Variants in TTC29 observed in about 807,000 individuals in gnomAD.
The protein encoded by TTC29 is tetratricopeptide repeat protein 29.
TTC29 carries 49 observed loss-of-function variants against 58.1 expected under a neutral mutation model. The observed-to-expected ratio is 0.84, with a 90% confidence interval of 0.67 to 1.07. TTC29 has a LOEUF of 1.07. Ranked by LOEUF, TTC29 falls within the 50% of genes least tolerant of loss-of-function variation. The pLI is 0.00. For synonymous variants in TTC29, 209 were observed against 196.8 expected (o/e 1.06, Z -0.52); for missense variants, 582 against 555.6 (o/e 1.05, Z -0.48).
chr4:146,896,055 T>A (rs1732748155), intron 6 of TTC29, among the ~76,000 whole-genome samples: 1 of 152,220 alleles, frequency 6.6e-6, no homozygotes, highest in Non-Finnish European at 1.5e-5. Flanking sequence ...CTGCCAAAAT[T>A]ACTAATGTGC....
At chr4:146,716,711 A>G (rs546120233) in intron 11 of TTC29, among the ~76,000 whole-genome samples, 1 of 152,168 alleles carries the variant, frequency 6.6e-6, no homozygotes, top group Non-Finnish European at 1.5e-5. Flanking sequence ...GTAAATATAT[A>G]TATCTGGTCA....
intron 6 of TTC29, among the ~76,000 whole-genome samples, chr4:146,887,302 G>T (rs771258867): frequency 6.6e-6 from 1 of 151,998 alleles, no homozygotes; most frequent in Non-Finnish European, 1.5e-5. Flanking sequence ...ATGCATGCAT[G>T]AAAAAAATAC....
At chr4:146,938,943 T>C (rs1736102676) in intron 3 of TTC29, among the ~76,000 whole-genome samples, 1 of 152,248 alleles carries the variant, frequency 6.6e-6, no homozygotes, top group African/African-American at 2.4e-5. Context: ...ATGATAATTA[T>C]GACAAAATGT....
Position 146,910,573 on chromosome 4 carries a change from C to T in TTC29, c.177-1324G>A, listed in dbSNP as rs146796359. ...GGGACCAGATCATGAAGAGATCTTA[C>T]GGTAAAAACAACAGTGAGAAGTTTG... is the stretch of plus-strand genomic sequence containing the variant. On this transcript the variant is annotated intron_variant, in intron 4 of 12. Coordinates refer to ENST00000325106, the MANE Select transcript of TTC29 (RefSeq NM_031956.4). Among the ~76,000 whole-genome samples, 36 of 152,024 alleles carry T rather than the reference C, an allele frequency of 2.4e-4. 1 individual carries two copies. In the East Asian group the frequency reaches 5.4e-3, roughly 23 times the overall value.
intron 2 of TTC29, among the ~76,000 whole-genome samples, chr4:146,941,881 G>A (rs1026513397): frequency 6.6e-6 from 1 of 152,180 alleles, no homozygotes; most frequent in African/African-American, 2.4e-5. Context: ...GGGAGAGAGA[G>A]TGGTGGCTTA....
At chr4:146,757,442 A>G (rs1317435441) in intron 11 of TTC29, among the ~76,000 whole-genome samples, 2 of 152,176 alleles carry the variant, frequency 1.3e-5, no homozygotes, top group Admixed American at 1.3e-4. Context: ...AGATCTAGAC[A>G]TCCAAATACA....
chr4:146,741,934 C>A (rs1358800039), intron 11 of TTC29, among the ~76,000 whole-genome samples: 1 of 152,144 alleles, frequency 6.6e-6, no homozygotes, highest in Admixed American at 6.5e-5. Context: ...GCCCTTCAGC[C>A]AAGGAACTTT....
At chr4:146,714,894 G>T (rs1742814814) in intron 11 of TTC29, among the ~76,000 whole-genome samples, 1 of 152,050 alleles carries the variant, frequency 6.6e-6, no homozygotes, top group Non-Finnish European at 1.5e-5. Context: ...ATTGAGACAG[G>T]GTCTCGCTTG....
In TTC29 at chr4:146,894,472, T is replaced by C. The variant is rs1264495599; in HGVS notation, c.586+9072A>G. The stretch of plus-strand genomic sequence containing the variant: ...ACATGTTCTCACTCATAGGTGGGAA[T>C]TGAACAATGAGAACATGTGGACACA... On this transcript the variant is annotated intron_variant, in intron 6 of 12. Coordinates refer to ENST00000325106, the MANE Select transcript of TTC29 (RefSeq NM_031956.4). Among the ~76,000 whole-genome samples, 8 of 145,570 alleles carry C rather than the reference T, an allele frequency of 5.5e-5. No individual in the cohort carries two copies. In the East Asian group the frequency reaches 1.4e-3, roughly 26 times the overall value.
At chr4:146,780,967 G>C (rs1161852087) in intron 11 of TTC29, among the ~76,000 whole-genome samples, 1 of 151,910 alleles carries the variant, frequency 6.6e-6, no homozygotes, top group East Asian at 1.9e-4. Context: ...GATTAAAATG[G>C]TTAGATAAAT....
chr4:146,873,052 A>G (rs79587475), intron 7 of TTC29, among the ~76,000 whole-genome samples: 9,243 of 152,226 alleles, frequency 0.061, 381 homozygotes, highest in Admixed American at 0.13. Flanking sequence ...CCTTGAAAAC[A>G]TTATGTTAAG....
chr4:146,888,293 G>A (rs17022075), intron 6 of TTC29, among the ~76,000 whole-genome samples: 11,502 of 152,190 alleles, frequency 0.076, 1,470 homozygotes, highest in African/African-American at 0.26. Flanking sequence ...AAGATAAAAT[G>A]TCAGGAGTTA....
At chr4:146,797,120 T>G (rs1257277208) in intron 11 of TTC29, among the ~76,000 whole-genome samples, 3 of 152,198 alleles carry the variant, frequency 2.0e-5, no homozygotes, top group Non-Finnish European at 4.4e-5. Flanking sequence ...ACTGACAACA[T>G]TCAGTTCAAA....
chr4:146,832,667 T>C (rs1728245891), intron 9 of TTC29, among the ~76,000 whole-genome samples: 1 of 140,572 alleles, frequency 7.1e-6, no homozygotes. Flanking sequence ...GTGTGTGGTA[T>C]TTTTAGTAGA....
intron 11 of TTC29, among the ~76,000 whole-genome samples, chr4:146,733,665 C>T (rs1366022447): frequency 6.6e-6 from 1 of 152,090 alleles, no homozygotes; most frequent in African/African-American, 2.4e-5. Flanking sequence ...CAAATGCCTA[C>T]TCAAAATGTC....
intron 6 of TTC29, among the ~76,000 whole-genome samples, chr4:146,895,017 A>G (rs1732671807): frequency 6.6e-6 from 1 of 152,066 alleles, no homozygotes; most frequent in African/African-American, 2.4e-5. Flanking sequence ...GTTGTTCCCC[A>G]TGGTGTGTCC....
At chr4:146,806,903 A>T (rs924798358) in intron 10 of TTC29, among the ~76,000 whole-genome samples, 1 of 152,220 alleles carries the variant, frequency 6.6e-6, no homozygotes, top group African/African-American at 2.4e-5. Context: ...AGACATCTAC[A>T]GGACTCTCCA....
intron 8 of TTC29, among the ~76,000 whole-genome samples, chr4:146,834,220 T>C (rs12507332): frequency 0.063 from 9,570 of 152,236 alleles, 405 homozygotes; most frequent in Admixed American, 0.13. Context: ...AAATACGGGA[T>C]TATTATCTAA....
chr4:146,893,302 A>C (rs10428400), intron 6 of TTC29, among the ~76,000 whole-genome samples: 96,746 of 151,474 alleles, frequency 0.64, 32,813 homozygotes, highest in African/African-American at 0.87. Context: ...TACAGTAACC[A>C]AAACAGCATG....
Sources: allele counts gnomAD v4.1 joint callset (sites outside exome capture counted in the v4.1 genomes callset), GRCh38; gene constraint gnomAD v4.1.1; transcripts MANE v1.5; gene names NCBI Gene and HGNC (gene_info 2026-07-23, HGNC 2026-07-21).